The following TNRC6B variants were observed in gnomAD, a reference collection of about 807,000 sequenced individuals.
TNRC6B encodes the protein trinucleotide repeat containing adaptor 6B, also known as trinucleotide repeat-containing gene 6B protein.
Under a neutral mutation model 203.6 loss-of-function variants are expected in TNRC6B, and 52 were observed. That is an observed-to-expected ratio of 0.26 (90% CI 0.20 to 0.32). The LOEUF (loss-of-function observed/expected upper bound fraction) is 0.32, where lower values mean the gene tolerates loss of function less well. Ranked by LOEUF, TNRC6B falls within the 10% of genes least tolerant of loss-of-function variation. The pLI is 1.00. For missense variants in TNRC6B, 1,923 were observed against 2,286.2 expected, an observed-to-expected ratio of 0.84 and a Z score of 3.24; for synonymous variants, 838 against 845.7, an observed-to-expected ratio of 0.99 and a Z score of 0.16.
chr22:40,300,178 T>C (rs1473083205), intron 12 of TNRC6B, among the ~76,000 whole-genome samples: 1 of 152,232 alleles, frequency 6.6e-6, no homozygotes, highest in East Asian at 1.9e-4. Flanking sequence ...ATCAATTTTT[T>C]TTTCTTGAAG....
intron 14 of TNRC6B, 65 bp downstream of exon 14, chr22:40,301,070 A>C: frequency 6.4e-7 from 1 of 1,572,052 alleles, no homozygotes; most frequent in Non-Finnish European, 8.6e-7. Flanking sequence ...TTAGCCTCTG[A>C]TGGCAAAGAA....
intron 1 of TNRC6B, among the ~76,000 whole-genome samples, chr22:40,075,648 A>G (rs1479642746): frequency 6.6e-6 from 1 of 152,048 alleles, no homozygotes; most frequent in African/African-American, 2.4e-5. Context: ...GTTTAAGTTT[A>G]TCATTTTGCT....
intron 1 of TNRC6B, among the ~76,000 whole-genome samples, chr22:40,222,728 C>CTCTTTTT (rs2069728214): frequency 1.7e-4 from 7 of 40,216 alleles, no homozygotes; most frequent in African/African-American, 2.5e-4. Flanking sequence ...CTCTCTCTCT[C>CTCTTTTT]TTTTTTTTTT....
chr22:40,064,115 C>T (rs2067876403), intron 1 of TNRC6B, among the ~76,000 whole-genome samples: 1 of 152,176 alleles, frequency 6.6e-6, no homozygotes, highest in African/African-American at 2.4e-5. Flanking sequence ...TGAAAACTTG[C>T]TGAACTCATT....
chr22:40,081,990 T>G (rs1223870669), intron 1 of TNRC6B, among the ~76,000 whole-genome samples: 1 of 152,034 alleles, frequency 6.6e-6, no homozygotes, highest in Non-Finnish European at 1.5e-5. Flanking sequence ...AACAAAATAC[T>G]GAGTTTTTAT....
At chr22:40,065,616 G>A (rs2067888789) in intron 1 of TNRC6B, among the ~76,000 whole-genome samples, 2 of 152,036 alleles carry the variant, frequency 1.3e-5, no homozygotes, top group South Asian at 4.1e-4. Context: ...GATTTTTATT[G>A]GATGCTAAAC....
At chr22:40,300,068 T>C (rs891905943) in intron 12 of TNRC6B, among the ~76,000 whole-genome samples, 1 of 152,250 alleles carries the variant, frequency 6.6e-6, no homozygotes, top group Non-Finnish European at 1.5e-5. Context: ...AGAAATACTT[T>C]CACGTAAGTA....
chr22:40,296,568 G>A (rs1014633605), intron 12 of TNRC6B, among the ~76,000 whole-genome samples: 9 of 151,426 alleles, frequency 5.9e-5, no homozygotes, highest in East Asian at 1.9e-4. Context: ...TCCTCACCTC[G>A]TGACCCACCT....
intron 1 of TNRC6B, among the ~76,000 whole-genome samples, chr22:40,230,826 C>A (rs1405713512): frequency 6.6e-6 from 1 of 151,976 alleles, no homozygotes; most frequent in Non-Finnish European, 1.5e-5. Context: ...AACATAGGGT[C>A]ACAAAGATTT....
chr22:40,144,927 C>T (rs1371460151), intron 3 of TNRC6B, among the ~76,000 whole-genome samples: 1 of 151,712 alleles, frequency 6.6e-6, no homozygotes, highest in Non-Finnish European at 1.5e-5. Context: ...GAAGGTACAA[C>T]CATATCTAAA....
At chr22:40,308,382 T>TA in intron 15 of TNRC6B, 130 bp from the exon 16 acceptor site, 1 of 1,058,984 alleles carries the variant, frequency 9.4e-7, no homozygotes, top group East Asian at 2.4e-5. Context: ...GAATCAAAAA[T>TA]ACCTGTTTCT....
rs1201596236 is a variant in TNRC6B, at chr22:40,134,911, T to A, written c.45+9049T>A. On this transcript the variant is annotated intron_variant, in intron 3 of 23. Coordinates refer to the TNRC6B transcript ENST00000301923. ...TACCAAGACAGCATTTTATTTCTCA[T>A]AATTCTGTGTTTTCCTGGGCTCACT... is the stretch of plus-strand genomic sequence containing the variant. Among the ~76,000 whole-genome samples, 5 of 152,244 alleles carry A rather than the reference T, an allele frequency of 3.3e-5. No individual in the cohort carries two copies. The East Asian group carries it at 7.7e-4, about 23-fold the overall frequency.
chr22:40,190,979 G>C (rs578025025), intron 1 of TNRC6B, among the ~76,000 whole-genome samples: 8 of 152,296 alleles, frequency 5.3e-5, no homozygotes, highest in East Asian at 1.9e-4. Flanking sequence ...TTTATCTTTG[G>C]AACTCAACCA....
intron 1 of TNRC6B, among the ~76,000 whole-genome samples, chr22:40,071,465 G>A (rs1433038382): frequency 6.6e-6 from 1 of 152,170 alleles, no homozygotes; most frequent in East Asian, 1.9e-4. Context: ...TATTACCAGC[G>A]AATGTGGAAG....
chr22:40,093,487 G>C (rs1327868406), intron 1 of TNRC6B, among the ~76,000 whole-genome samples: 1 of 152,112 alleles, frequency 6.6e-6, no homozygotes, highest in Non-Finnish European at 1.5e-5. Context: ...ATATCACCTG[G>C]ATACATTGGC....
chr22:40,156,594 G>C (rs1057426799), intron 4 of TNRC6B, among the ~76,000 whole-genome samples: 1 of 152,160 alleles, frequency 6.6e-6, no homozygotes, highest in Admixed American at 6.6e-5. Context: ...GGTACTTTCT[G>C]AAATTCTATT....
intron 1 of TNRC6B, among the ~76,000 whole-genome samples, chr22:40,240,090 G>A (rs1177811908): frequency 6.6e-6 from 1 of 152,084 alleles, no homozygotes; most frequent in Admixed American, 6.6e-5. Flanking sequence ...CTCAGCCTCC[G>A]AAAGTGCTGG....
intron 2 of TNRC6B, among the ~76,000 whole-genome samples, chr22:40,125,078 T>A (rs1021363852): frequency 2.0e-5 from 3 of 152,162 alleles, no homozygotes; most frequent in Non-Finnish European, 4.4e-5. Context: ...TTGCATAAAT[T>A]TTTAGTAGTT....
chr22:40,170,473 TTATATATATAGTTTATATATATATTATA>T (rs2068968223), intron 4 of TNRC6B, among the ~76,000 whole-genome samples: 1 of 18,232 alleles, frequency 5.5e-5, no homozygotes, highest in Non-Finnish European at 7.6e-5. Flanking sequence ...TATATATATA[TTATATATATAGTTTATATATATATTATA>T]TATATAGTTT....
Sources: gnomAD v4.1 joint callset for allele counts (sites outside exome capture counted in the v4.1 genomes callset) on GRCh38, gnomAD v4.1.1 for gene constraint, MANE v1.5 for transcripts, NCBI Gene and HGNC (gene_info 2026-07-23, HGNC 2026-07-21) for gene names.